DCX: variants seen among roughly 807,000 people sequenced by gnomAD.
DCX encodes the protein neuronal migration protein doublecortin.
In DCX, 4 loss-of-function variants were observed where a neutral mutation model predicts 20.9. The ratio of observed to expected loss-of-function variants is 0.19; its 90% confidence interval spans 0.09 to 0.44. The LOEUF (loss-of-function observed/expected upper bound fraction) is 0.44. Among genes scored for constraint, DCX ranks in the 20% least tolerant of loss-of-function variants. DCX has a pLI of 0.99. For synonymous variants in DCX, 103 were observed against 111.4 expected (o/e 0.92, Z 0.47); for missense variants, 133 against 296.9 (o/e 0.45, Z 4.06).
intron 5 of DCX, among the ~76,000 whole-genome samples, chrX:111,328,270 G>T (rs1007644628): frequency 4.5e-5 from 5 of 111,204 alleles, no homozygotes; most frequent in African/African-American, 1.6e-4. Context: ...CAAAGCCTGG[G>T]TTGGGATCTC....
chrX:111,355,760 C>A (rs1195654089), intron 3 of DCX, among the ~76,000 whole-genome samples: 1 of 111,902 alleles, frequency 8.9e-6, no homozygotes, highest in East Asian at 2.8e-4. Flanking sequence ...GCTTATTGGG[C>A]CATGGTTCAG....
At chrX:111,350,254 T>A in intron 3 of DCX, among the ~76,000 whole-genome samples, 1 of 111,199 alleles carries the variant, frequency 9.0e-6, no homozygotes, top group East Asian at 2.8e-4. Context: ...AGAAAGGAGA[T>A]CTGGAGGGGA....
intron 4 of DCX, among the ~76,000 whole-genome samples, chrX:111,332,590 C>G (rs1921353884): frequency 1.8e-5 from 2 of 111,685 alleles, no homozygotes; most frequent in South Asian, 3.8e-4. Flanking sequence ...ACGAATGGGG[C>G]AGCAAGTCTG....
chrX:111,365,197 G>A (rs1477324684), intron 3 of DCX, among the ~76,000 whole-genome samples: 3 of 109,894 alleles, frequency 2.7e-5, no homozygotes, highest in African/African-American at 9.9e-5. Context: ...TGGGATTACA[G>A]GTATGAGCTA....
intron 3 of DCX, among the ~76,000 whole-genome samples, chrX:111,379,739 T>C (rs756881524): frequency 5.4e-5 from 6 of 112,112 alleles, no homozygotes; most frequent in Non-Finnish European, 1.1e-4. Flanking sequence ...GCTGGTCATA[T>C]GGTGACTCTG....
At chrX:111,371,940 AC>A (rs1925123055) in intron 3 of DCX, among the ~76,000 whole-genome samples, 18 of 90,305 alleles carry the variant, frequency 2.0e-4, no homozygotes, top group Admixed American at 1.7e-3. Flanking sequence ...GTGTACACAC[AC>A]ACACACACAC....
chrX:111,369,126 G>GT (rs1318433935), intron 3 of DCX, among the ~76,000 whole-genome samples: 1 of 110,596 alleles, frequency 9.0e-6, no homozygotes, highest in Non-Finnish European at 1.9e-5. Context: ...GTCTTTTCAC[G>GT]TTTTTCTGCC....
chrX:111,306,765 A>G (rs1416584448), intron 6 of DCX, among the ~76,000 whole-genome samples: 1 of 111,636 alleles, frequency 9.0e-6, no homozygotes, highest in Non-Finnish European at 1.9e-5. Context: ...TAATGGAAAG[A>G]TATTCAGGAA....
chrX:111,368,559 A>C (rs1003370832), intron 3 of DCX, among the ~76,000 whole-genome samples: 3 of 111,381 alleles, frequency 2.7e-5, no homozygotes, highest in Non-Finnish European at 5.6e-5. Flanking sequence ...CAAAGAAGCA[A>C]ATGTTGAACG....
At position 111,294,875 on chromosome X, in the gene DCX, T is replaced by C. The variant is rs1344685087; in HGVS notation, c.*6812A>G. On this transcript the variant is annotated 3_prime_UTR_variant, in exon 7 of 7. Transcript: ENST00000636035. ...AGCTGTTTTGCTACAGGTACTCAAT[T>C]CTAACTACAGCTATAGGGCAGAAAG... The C allele has an allele frequency of 1.8e-5, 2 of 112,505 alleles. No individual in the cohort carries two copies. The highest frequency in any genetic ancestry group is 3.8e-5 in the Non-Finnish European group (2 of 53,276). The allele number at this position is 112,505 out of a possible 1,213,427, so 9.3% of individuals were successfully genotyped here.
chrX:111,386,146 A>T (rs760353007), intron 3 of DCX, among the ~76,000 whole-genome samples: 2 of 110,819 alleles, frequency 1.8e-5, no homozygotes, highest in Non-Finnish European at 3.8e-5. Flanking sequence ...AGCTAGGGGG[A>T]TGGGAACCTA....
intron 4 of DCX, among the ~76,000 whole-genome samples, chrX:111,332,695 T>C (rs1374839763): frequency 8.9e-6 from 1 of 112,055 alleles, no homozygotes; most frequent in Non-Finnish European, 1.9e-5. Flanking sequence ...GGACGTTGAA[T>C]GGAGAAAAAA....
chrX:111,411,512 C>G (rs1928714377), intron 1 of DCX: 1 of 113,365 alleles, frequency 8.8e-6, no homozygotes, highest in South Asian at 3.8e-4. Context: ...TCTGTTGAAC[C>G]CCCTCCCCCA....
chrX:111,399,654 T>C (rs781151767), intron 3 of DCX, among the ~76,000 whole-genome samples: 1 of 112,045 alleles, frequency 8.9e-6, no homozygotes, highest in South Asian at 3.7e-4. Flanking sequence ...AAACTTTCTA[T>C]GTCCTATTTC....
In DCX at chrX:111,384,816, T is replaced by C. The variant is rs182935389; in HGVS notation, c.705+16174A>G. Reference sequence around the variant, plus strand: ...TTAAGATTGGCTATTTTGGAAAGTTTGAAATTTGAGTTATGTTATCATGGA... The same window carrying C: ...TTAAGATTGGCTATTTTGGAAAGTTCGAAATTTGAGTTATGTTATCATGGA... On this transcript the variant is annotated intron_variant, in intron 3 of 6. Transcript: ENST00000636035. Among the ~76,000 whole-genome samples the C allele has an allele frequency of 2.7e-5, 3 of 112,663 alleles. No individual in the cohort carries two copies. In the East Asian group the frequency reaches 8.4e-4, roughly 32 times the overall value.
intron 3 of DCX, among the ~76,000 whole-genome samples, chrX:111,359,901 T>G (rs1878563468): frequency 8.9e-6 from 1 of 111,805 alleles, no homozygotes. Context: ...ACTATGGGTA[T>G]AAGTATACAT....
At position 111,349,565 on chromosome X, in the gene DCX, G is replaced by GA. The variant is rs1014136346; in HGVS notation, c.706-16413dup. ...TTCCTTAGTGGTTGGTTGAGGACAGGAAAAAAAAAGCATGACTGCCCAGTT... is the reference window on the plus strand; with the variant it reads ...TTCCTTAGTGGTTGGTTGAGGACAGGAAAAAAAAAAGCATGACTGCCCAGTT... On this transcript the variant is annotated intron_variant, in intron 3 of 6. Coordinates refer to ENST00000636035, the MANE Select transcript of DCX (RefSeq NM_001195553.2). 8.8e-4 allele frequency among the ~76,000 whole-genome samples: 96 copies of GA among 108,816 alleles called. 2 individuals are homozygous for GA. Among genetic ancestry groups the GA allele is most frequent in the African/African-American group, 2.8e-3 (82 of 29,809 alleles). 94.5% of individuals were successfully genotyped at this position (108,816 alleles called of 115,157 possible).
intron 3 of DCX, among the ~76,000 whole-genome samples, chrX:111,396,766 AT>A (rs1317620035): frequency 8.9e-6 from 1 of 112,079 alleles, no homozygotes; most frequent in Non-Finnish European, 1.9e-5. Context: ...GTGAACTAAT[AT>A]GCATCACCAT....
At chrX:111,360,540 G>A in intron 3 of DCX, among the ~76,000 whole-genome samples, 1 of 111,019 alleles carries the variant, frequency 9.0e-6, no homozygotes, top group Non-Finnish European at 1.9e-5. Context: ...GGCACAACAG[G>A]GTGACCATAG....
Sources: gnomAD v4.1 joint callset for allele counts (sites outside exome capture counted in the v4.1 genomes callset) on GRCh38, gnomAD v4.1.1 for gene constraint, MANE v1.5 for transcripts, NCBI Gene and HGNC (gene_info 2026-07-23, HGNC 2026-07-21) for gene names.